Variants in ERCC1 observed in about 807,000 individuals in gnomAD.
ERCC1 encodes DNA excision repair protein ERCC-1.
ERCC1 carries 36 observed loss-of-function variants against 37.6 expected under a neutral mutation model. The observed-to-expected ratio is 0.96, with a 90% CI of 0.73 to 1.26. The LOEUF (loss-of-function observed/expected upper bound fraction) is 1.26. ERCC1 is among the 50% of genes most tolerant of loss of function. The probability of loss-of-function intolerance (pLI) is 0.00; values close to 1 mark genes in which losing one functional copy is unlikely to be tolerated. For missense variants in ERCC1, 349 were observed against 376.5 expected (o/e 0.93, Z 0.60); for synonymous variants, 156 against 162.1 (o/e 0.96, Z 0.28).
At chr19:45,421,741 C>T (rs565740218) in intron 2 of ERCC1, among the ~76,000 whole-genome samples, 1 of 151,822 alleles carries the variant, frequency 6.6e-6, no homozygotes, top group South Asian at 2.1e-4. Context: ...TCAAGCGATT[C>T]TCCTGTCTCA....
Position 45,420,516 on chromosome 19 carries a change from C to G in ERCC1, c.322-89G>C. ...CTCCACCTCTTCTTGCACCTCCTCC[C>G]TCCTCCCACCTCTTCCCACACCTCC... On this transcript the variant is annotated intron_variant, in intron 3 of 9. Transcript: ENST00000300853. This position sits in a 1 kb window ranked among gnomAD's most constrained non-coding sequence, Gnocchi z 4.8. The G allele has an allele frequency of 1.3e-6, 1 of 786,430 alleles. No homozygotes were observed. Among genetic ancestry groups the G allele is most frequent in the Non-Finnish European group, 2.2e-6 (1 of 452,682 alleles). The allele number at this position is 786,430 out of a possible 1,614,324, so 48.7% of individuals were successfully genotyped here.
Position 45,409,896 on chromosome 19 carries a change from T to TTATTA in ERCC1, c.844-172_844-171insTAATA, listed in dbSNP as rs1555785259. 2,043 of 159,372 alleles carry TTATTA rather than the reference T, an allele frequency of 0.013. 31 individuals are homozygous for TTATTA. Among genetic ancestry groups the TTATTA allele is most frequent in the African/African-American group, 0.077 (1,356 of 17,678 alleles). The allele number at this position is 159,372 out of a possible 1,614,324, so 9.9% of individuals were successfully genotyped here. The stretch of plus-strand genomic sequence containing the variant: ...TTTTAAGTTATTATTATTATTATTA[T>TTATTA]TTTTTTTTTTTTTGAGATGGAGTCT... On this transcript the variant is annotated intron_variant, in intron 9 of 9. Transcript: ENST00000300853.
chr19:45,444,995 T>C (rs1465724477), intron 1 of ERCC1, among the ~76,000 whole-genome samples: 2 of 152,310 alleles, frequency 1.3e-5, no homozygotes, highest in Admixed American at 6.5e-5. Flanking sequence ...TCATCATTCA[T>C]TCATTCAACC....
rs1974596351 is a variant in ERCC1, at chr19:45,423,880, CA to C, written c.-108del. 1.1e-5 allele frequency: 12 copies of C among 1,105,842 alleles called. No individual in the cohort carries two copies. In the Admixed American group the frequency reaches 5.4e-4, roughly 50 times the overall value. 68.5% of individuals were successfully genotyped at this position (1,105,842 alleles called of 1,614,324 possible). ...CAGAGGGATCGAGGCGGCCCACTGCCAGCACGGCCAGCGTGGCCCAGGGCTC... is the reference window on the plus strand; with the variant it reads ...CAGAGGGATCGAGGCGGCCCACTGCCGCACGGCCAGCGTGGCCCAGGGCTC... On this transcript the variant is annotated 5_prime_UTR_variant, in exon 1 of 10. Transcript: ENST00000300853.
At chr19:45,415,508 C>T (rs111762065) in intron 6 of ERCC1, among the ~76,000 whole-genome samples, 3 of 141,320 alleles carry the variant, frequency 2.1e-5, no homozygotes, top group Admixed American at 7.1e-5. Flanking sequence ...TGGTAGCGGG[C>T]GCCTGTAGTC....
intron 1 of ERCC1, among the ~76,000 whole-genome samples, chr19:45,442,137 T>G (rs111967602): frequency 1.6e-4 from 24 of 150,946 alleles, no homozygotes; most frequent in African/African-American, 5.6e-4. Context: ...TATAGTGAGA[T>G]CTCATCTCTG....
Position 45,417,006 on chromosome 19 carries a change from G to A in ERCC1, c.526-109C>T, listed in dbSNP as rs3212967. The A allele has an allele frequency of 0.2, 158,131 of 784,944 alleles. 21,059 individuals are homozygous for A. The highest frequency in any genetic ancestry group is 0.47 in the African/African-American group (27,668 of 58,912). 48.6% of individuals were successfully genotyped at this position (784,944 alleles called of 1,614,324 possible). A position where few individuals can be genotyped will look rare whatever the true frequency, so the allele number is the denominator to read the frequency against. ...CAGCTACTAGGGAAGCTGAGGTGGGGGAACTGCTTGAACCCGGGAGGCAGA... is the reference window on the plus strand; with the variant it reads ...CAGCTACTAGGGAAGCTGAGGTGGGAGAACTGCTTGAACCCGGGAGGCAGA... On this transcript the variant is annotated intron_variant, in intron 5 of 9. Coordinates refer to ENST00000300853, the MANE Select transcript of ERCC1 (RefSeq NM_001983.4).
intron 1 of ERCC1, among the ~76,000 whole-genome samples, chr19:45,439,738 A>C (rs1432876567): frequency 6.6e-6 from 1 of 151,688 alleles, no homozygotes; most frequent in Admixed American, 6.6e-5. Context: ...GGCGCCCGGG[A>C]GCCCGGGAGG....
chr19:45,419,204 G>A lies in ERCC1; in HGVS notation c.426-7C>T, dbSNP rs750362155. ...CAGGTTGTGGTAGCGGAGGCTGGTG[G>A]GGGCAGGGAGCGGGAGTTGAGAGGT... On this transcript the variant is annotated splice_polypyrimidine_tract_variant and splice_region_variant and intron_variant, in intron 4 of 9. Coordinates refer to ENST00000300853, the MANE Select transcript of ERCC1 (RefSeq NM_001983.4). 5.1e-6 allele frequency: 8 copies of A among 1,579,476 alleles called. No homozygotes were observed. The highest frequency in any genetic ancestry group is 2.3e-5 in the East Asian group (1 of 43,742).
At chr19:45,419,290 A>T in intron 4 of ERCC1, 93 bp from the exon 5 acceptor site, 1 of 889,628 alleles carries the variant, frequency 1.1e-6, no homozygotes, top group Non-Finnish European at 1.8e-6. Context: ...AAGGGCTCAG[A>T]GTACGGCATG....
At chr19:45,431,039 A>G (rs1389739881) in intron 1 of ERCC1, among the ~76,000 whole-genome samples, 3 of 151,794 alleles carry the variant, frequency 2.0e-5, no homozygotes, top group African/African-American at 7.3e-5. Flanking sequence ...TGCAACCTCC[A>G]CCTCCCGTGT....
intron 5 of ERCC1, 137 bp downstream of exon 5, chr19:45,418,961 G>C: frequency 1.4e-6 from 1 of 706,828 alleles, no homozygotes; most frequent in South Asian, 1.5e-5. Flanking sequence ...ATAATGTCTT[G>C]GTGACCCATG....
chr19:45,416,743 G>A (rs768108806), intron 6 of ERCC1, 78 bp downstream of exon 6: 584 of 1,081,982 alleles, frequency 5.4e-4, no homozygotes, highest in Non-Finnish European at 7.9e-4. Context: ...AGAAGGGAAG[G>A]GCTGGGCAGG....
At position 45,408,103 on chromosome 19, in the gene ERCC1, A is replaced by G; in HGVS notation, c.*1572T>C. On this transcript the variant is annotated 3_prime_UTR_variant, in exon 10 of 10. Coordinates refer to ENST00000300853, the MANE Select transcript of ERCC1 (RefSeq NM_001983.4). The stretch of plus-strand genomic sequence containing the variant: ...AACCTTCCCTCTCCTGTTCCACTTA[A>G]GCCTCTGCCCTCCCTGTTTCTCTCT... The G allele has an allele frequency of 1.9e-6, 3 of 1,548,086 alleles. No homozygotes were observed. The highest frequency in any genetic ancestry group is 2.6e-6 in the Non-Finnish European group (3 of 1,141,122).
chr19:45,412,362 T>C lies in ERCC1; in HGVS notation c.843+1315A>G, dbSNP rs192036923. Among the ~76,000 whole-genome samples, 94 of 152,214 alleles carry C rather than the reference T, an allele frequency of 6.2e-4. 1 individual carries two copies. The highest frequency in any genetic ancestry group is 1.2e-3 in the Non-Finnish European group (83 of 68,012). Reference sequence around the variant, plus strand: ...TTAGTAGAGATGGGGTTTCGCCATGTTGGCCAGGCTGATCTTGAACTCCTG... The same window carrying C: ...TTAGTAGAGATGGGGTTTCGCCATGCTGGCCAGGCTGATCTTGAACTCCTG... On this transcript the variant is annotated intron_variant, in intron 9 of 9. Coordinates refer to ENST00000300853, the MANE Select transcript of ERCC1 (RefSeq NM_001983.4).
rs867591784 is a variant in ERCC1 at position 45,420,082 on chromosome 19, C to T, written c.425+242G>A. Among the ~76,000 whole-genome samples the T allele has an allele frequency of 1.2e-4, 18 of 151,050 alleles. No individual in the cohort carries two copies. Among genetic ancestry groups the T allele is most frequent in the Middle Eastern group, 3.4e-3 (1 of 290 alleles). ...AGCCCTCAGCCCCTCCTCCCCCGGA[C>T]CCAGGAGTCCGGCCCCCAGCCCCTC... On this transcript the variant is annotated intron_variant, in intron 4 of 9. Transcript: ENST00000300853. The surrounding 1 kb of genome is among the most constrained non-coding windows in gnomAD (Gnocchi z 4.8).
chr19:45,441,438 C>G (rs1400875253), intron 1 of ERCC1, among the ~76,000 whole-genome samples: 3 of 152,068 alleles, frequency 2.0e-5, no homozygotes, highest in Non-Finnish European at 1.5e-5. Flanking sequence ...GTGGAAGATA[C>G]CTAGATAAGT....
chr19:45,412,923 T>C (rs949002744), intron 9 of ERCC1, among the ~76,000 whole-genome samples: 2 of 152,002 alleles, frequency 1.3e-5, no homozygotes, highest in Non-Finnish European at 2.9e-5. Flanking sequence ...GTATTTTTAG[T>C]AAAGATGGGG....
At chr19:45,423,616 G>A in intron 1 of ERCC1, 165 bp downstream of exon 1, 1 of 1,376,308 alleles carries the variant, frequency 7.3e-7, no homozygotes, top group Non-Finnish European at 9.4e-7. Flanking sequence ...CGCCCCCACC[G>A]GATTCTATTG....
Sources: gnomAD v4.1 joint callset for allele counts (sites outside exome capture counted in the v4.1 genomes callset) on GRCh38, gnomAD v4.1.1 for gene constraint, Gnocchi (gnomAD v3.1) non-coding constraint, MANE v1.5 for transcripts, NCBI Gene and HGNC (gene_info 2026-07-23, HGNC 2026-07-21) for gene names.